Variants in USP39 observed in about 807,000 individuals in gnomAD.
USP39 encodes the protein ubiquitin specific peptidase 39.
A neutral mutation model predicts 66.4 loss-of-function variants in USP39; 38 were observed. That is an observed-to-expected ratio of 0.57 (90% CI 0.44 to 0.75). The LOEUF (loss-of-function observed/expected upper bound fraction) is 0.75. USP39 is among the 30% of genes least tolerant of loss of function. The pLI is 0.00. For missense variants in USP39, 608 were observed against 714.4 expected (o/e 0.85, Z 1.70); for synonymous variants, 303 against 274.6 (o/e 1.10, Z -1.02).
intron 6 of USP39, among the ~76,000 whole-genome samples, chr2:85,633,404 T>C (rs1675521333): frequency 6.6e-6 from 1 of 152,148 alleles, no homozygotes. Flanking sequence ...ATTACAGGTG[T>C]GAACCACCAT....
At chr2:85,643,529 A>C (rs886548875) in intron 10 of USP39, among the ~76,000 whole-genome samples, 15 of 152,044 alleles carry the variant, frequency 9.9e-5, no homozygotes, top group Non-Finnish European at 1.6e-4. Context: ...ATACTCATTC[A>C]GACAAGTCTA....
At chr2:85,633,026 C>T (rs1675481569) in intron 6 of USP39, among the ~76,000 whole-genome samples, 1 of 152,068 alleles carries the variant, frequency 6.6e-6, no homozygotes, top group African/African-American at 2.4e-5. Context: ...AGTGGAGAGC[C>T]AAGGTGTAGA....
chr2:85,608,834 T>TG (rs994825756), upstream of USP39: 2 of 1,463,866 alleles, frequency 1.4e-6, no homozygotes, highest in Non-Finnish European at 1.9e-6. Flanking sequence ...GCAGCAGCTC[T>TG]GGGGGTCTCA....
At chr2:85,634,352 T>C (rs999553871) in intron 6 of USP39, among the ~76,000 whole-genome samples, 18 of 151,916 alleles carry the variant, frequency 1.2e-4, no homozygotes, top group Non-Finnish European at 1.8e-4. Context: ...AGTGGGAGGA[T>C]TGCTTGAGCC....
At chr2:85,613,527 C>T (rs957883429), upstream of USP39, among the ~76,000 whole-genome samples, 3 of 152,214 alleles carry the variant, frequency 2.0e-5, no homozygotes, top group Admixed American at 2.0e-4. Context: ...AAACAGGGAC[C>T]AATGGTGGTC....
At chr2:85,648,353 G>A (rs972212774) in intron 12 of USP39, among the ~76,000 whole-genome samples, 16 of 152,184 alleles carry the variant, frequency 1.1e-4, no homozygotes, top group Non-Finnish European at 8.8e-5. Context: ...CGACCACGAA[G>A]TGCTCCCCAG....
At chr2:85,609,747 T>G (rs981090621), upstream of USP39, among the ~76,000 whole-genome samples, 7 of 152,236 alleles carry the variant, frequency 4.6e-5, no homozygotes, top group Non-Finnish European at 5.9e-5. Flanking sequence ...AGTGGTGCAA[T>G]CTCGGCTCAC....
intron 5 of USP39, among the ~76,000 whole-genome samples, chr2:85,629,358 G>A (rs933556251): frequency 6.6e-6 from 1 of 151,854 alleles, no homozygotes; most frequent in South Asian, 2.1e-4. Flanking sequence ...ATCGCGCCTA[G>A]ACCCCTCCTC....
At chr2:85,604,493 T>C (rs575119278) in intron 1 of USP39, among the ~76,000 whole-genome samples, 1 of 152,294 alleles carries the variant, frequency 6.6e-6, no homozygotes, top group African/African-American at 2.4e-5. Flanking sequence ...ATTACAGATG[T>C]GAACCACCGT....
Position 85,636,632 on chromosome 2 carries a change from G to A in USP39, c.1027+502G>A, listed in dbSNP as rs544298671. Among the ~76,000 whole-genome samples the A allele has an allele frequency of 5.3e-5, 8 of 152,008 alleles. No homozygotes were observed. In the East Asian group the frequency reaches 1.5e-3, roughly 29 times the overall value. On this transcript the variant is annotated intron_variant, in intron 7 of 12. Transcript: ENST00000323701. ...AGTTCTTCTCCCTCAGTCTCCCAAG[G>A]GTAGCTGGGATTACAGGCACCCACT...
intron 8 of USP39, 98 bp downstream of exon 8, chr2:85,637,534 C>G (rs1675867357): frequency 2.2e-6 from 3 of 1,352,606 alleles, no homozygotes; most frequent in South Asian, 2.4e-5. Context: ...GCCTGCTTGC[C>G]CTGTGAAGAG....
intron 9 of USP39, 79 bp downstream of exon 9, chr2:85,639,470 T>TC (rs397785019): frequency 3.8e-5 from 51 of 1,352,198 alleles, no homozygotes; most frequent in Non-Finnish European, 4.8e-5. Context: ...TTTTTTTTTT[T>TC]CAAGACAGAG....
At chr2:85,619,516 A>G (rs1387187502) in intron 2 of USP39, among the ~76,000 whole-genome samples, 1 of 151,054 alleles carries the variant, frequency 6.6e-6, no homozygotes, top group African/African-American at 2.4e-5. Context: ...CAGGATGCAT[A>G]GTATCCTAAA....
At chr2:85,647,104 GT>G (rs1228219132) in intron 11 of USP39, among the ~76,000 whole-genome samples, 1 of 152,046 alleles carries the variant, frequency 6.6e-6, no homozygotes, top group Non-Finnish European at 1.5e-5. Context: ...GGCCAGGCTG[GT>G]CTCAAACTCC....
upstream of USP39, chr2:85,612,190 C>A: frequency 3.0e-6 from 3 of 1,008,414 alleles, no homozygotes; most frequent in Admixed American, 2.5e-5. Context: ...TTGACTTCCA[C>A]CCCCCGGACG....
intron 5 of USP39, among the ~76,000 whole-genome samples, chr2:85,629,534 T>C (rs530586406): frequency 3.9e-4 from 59 of 151,286 alleles, no homozygotes; most frequent in Admixed American, 3.0e-3. Context: ...TTTGCTCTTG[T>C]TGTCTAGGCT....
chr2:85,609,961 G>T (rs959694125), upstream of USP39, among the ~76,000 whole-genome samples: 1 of 149,698 alleles, frequency 6.7e-6, no homozygotes, highest in Non-Finnish European at 1.5e-5. Flanking sequence ...GATTACAGGC[G>T]TGAGCCACTG....
In USP39 at chr2:85,643,306, C is replaced by T. The variant is rs182165702; in HGVS notation, c.1428-1642C>T. ...GAGATCGAGACCATCCTGGCTAACA[C>T]GGTGAAACCCCGTCTCTACTAAAAA... On this transcript the variant is annotated intron_variant, in intron 10 of 12. Coordinates refer to ENST00000323701, the MANE Select transcript of USP39 (RefSeq NM_006590.4). 4.7e-3 allele frequency among the ~76,000 whole-genome samples: 707 copies of T among 151,944 alleles called. 7 individuals are homozygous for T. Among genetic ancestry groups the T allele is most frequent in the Middle Eastern group, 0.017 (5 of 294 alleles).
chr2:85,646,197 ATGT>A (rs1169926106), intron 11 of USP39: 10 of 152,220 alleles, frequency 6.6e-5, no homozygotes, highest in Non-Finnish European at 1.0e-4. Flanking sequence ...CATCTTAAAA[ATGT>A]TGTGGATTTG....
Sources: gnomAD v4.1 joint callset for allele counts (sites outside exome capture counted in the v4.1 genomes callset) on GRCh38, gnomAD v4.1.1 for gene constraint, MANE v1.5 for transcripts, NCBI Gene and HGNC (gene_info 2026-07-23, HGNC 2026-07-21) for gene names.